VPS37A: variants seen among roughly 807,000 people sequenced by gnomAD.
VPS37A encodes vacuolar protein sorting-associated protein 37A.
A neutral mutation model predicts 49.8 loss-of-function variants in VPS37A; 30 were observed. That is an observed-to-expected ratio of 0.60 (90% CI 0.45 to 0.82). VPS37A has a LOEUF of 0.82. Ranked by LOEUF, VPS37A falls within the 40% of genes least tolerant of loss-of-function variation. The pLI, the probability that VPS37A is intolerant of heterozygous loss-of-function variation, is 0.00. For missense variants in VPS37A, 593 were observed against 464.4 expected, an observed-to-expected ratio of 1.28 and a Z score of -2.55; for synonymous variants, 195 against 160.6, an observed-to-expected ratio of 1.21 and a Z score of -1.62.
At chr8:17,292,351 C>A (rs1295422974) in intron 11 of VPS37A, among the ~76,000 whole-genome samples, 1 of 152,176 alleles carries the variant, frequency 6.6e-6, no homozygotes, top group Non-Finnish European at 1.5e-5. Flanking sequence ...TATTTTAAGC[C>A]TGTGTGTGTC....
the VPS37A span, among the ~76,000 whole-genome samples, chr8:17,326,908 C>A: frequency 6.6e-6 from 1 of 152,126 alleles, no homozygotes; most frequent in Non-Finnish European, 1.5e-5. Context: ...AAGGAATATA[C>A]CGACCATAGC....
At chr8:17,300,402 C>G, downstream of VPS37A, 2 of 632,710 alleles carry the variant, frequency 3.2e-6, no homozygotes, top group Non-Finnish European at 5.4e-6. Context: ...GTGAGGCCTG[C>G]TTTATCTCTA....
chr8:17,249,078 A>G (rs149224110), intron 1 of VPS37A, among the ~76,000 whole-genome samples: 118 of 152,334 alleles, frequency 7.7e-4, no homozygotes, highest in African/African-American at 2.8e-3. Flanking sequence ...CACTTTTGGA[A>G]TTAATTGCTT....
At chr8:17,315,906 G>C in the VPS37A span, among the ~76,000 whole-genome samples, 1 of 152,130 alleles carries the variant, frequency 6.6e-6, no homozygotes, top group East Asian at 1.9e-4. Context: ...CCAGCTACTT[G>C]GGAGGCTGAG....
chr8:17,315,989 G>C, the VPS37A span, among the ~76,000 whole-genome samples: 14 of 152,204 alleles, frequency 9.2e-5, no homozygotes, highest in Admixed American at 2.0e-4. Context: ...CTCCATCCTG[G>C]GTGATGACAG....
At chr8:17,302,335 C>A, downstream of VPS37A, 1 of 1,559,324 alleles carries the variant, frequency 6.4e-7, no homozygotes, top group Non-Finnish European at 8.7e-7. Context: ...TGAAAATTCA[C>A]ATCCTCAAGT....
At position 17,296,150 on chromosome 8, in the gene VPS37A, A is replaced by ATATTT. The variant is rs1267426830; in HGVS notation, c.*1166_*1170dup. ...ATAGTATAGATTGTCTGTCTTTTTT[A>ATATTT]TATTTTTTAGTTCTTCCTGTACATG... On this transcript the variant is annotated 3_prime_UTR_variant, in exon 12 of 12. Transcript: ENST00000324849. 1 of 152,148 alleles carries ATATTT rather than the reference A, an allele frequency of 6.6e-6. No homozygotes were observed. Among genetic ancestry groups the ATATTT allele is most frequent in the Non-Finnish European group, 1.5e-5 (1 of 68,014 alleles). The allele number at this position is 152,148 out of a possible 1,614,324, so 9.4% of individuals were successfully genotyped here. A position where few individuals can be genotyped will look rare whatever the true frequency, so the allele number is the denominator to read the frequency against.
At chr8:17,311,903 T>C in the VPS37A span, 1 of 408,344 alleles carries the variant, frequency 2.4e-6, no homozygotes, top group South Asian at 3.5e-5. Context: ...ACATAAGCAT[T>C]CGTCCTATGC....
At chr8:17,319,218 T>G in the VPS37A span, among the ~76,000 whole-genome samples, 1 of 152,334 alleles carries the variant, frequency 6.6e-6, no homozygotes, top group Middle Eastern at 3.4e-3. Flanking sequence ...TAACCTGGGC[T>G]AGTTACTGAG....
intron 1 of VPS37A, among the ~76,000 whole-genome samples, chr8:17,261,850 T>C (rs1812990630): frequency 6.6e-6 from 1 of 152,162 alleles, no homozygotes; most frequent in African/African-American, 2.4e-5. Flanking sequence ...CACTCTGATT[T>C]GGTGTTTTCT....
At chr8:17,256,630 TTTTATTTA>T (rs141925092) in intron 1 of VPS37A, among the ~76,000 whole-genome samples, 85 of 145,416 alleles carry the variant, frequency 5.8e-4, no homozygotes, top group African/African-American at 1.4e-3. Flanking sequence ...GCTGTGTAGG[TTTTATTTA>T]TTTATTTATT....
downstream of VPS37A, among the ~76,000 whole-genome samples, chr8:17,306,754 T>C (rs191921088): frequency 2.6e-5 from 4 of 152,264 alleles, no homozygotes; most frequent in East Asian, 1.9e-4. Context: ...AGTGGGAACA[T>C]TGGAAATTGT....
At chr8:17,279,518 A>G (rs575557175) in intron 6 of VPS37A, among the ~76,000 whole-genome samples, 1 of 152,134 alleles carries the variant, frequency 6.6e-6, no homozygotes, top group Non-Finnish European at 1.5e-5. Flanking sequence ...TAAATTTTAC[A>G]TATCAGTAAG....
chr8:17,265,645 G>A (rs575703604), intron 1 of VPS37A: 35 of 704,604 alleles, frequency 5.0e-5, no homozygotes, highest in Non-Finnish European at 6.8e-5. Context: ...AAACAGTGTA[G>A]CATTAATGAA....
chr8:17,247,738 T>C, intron 1 of VPS37A: 1 of 702,646 alleles, frequency 1.4e-6, no homozygotes, highest in Non-Finnish European at 2.6e-6. Context: ...GCAGAATTGT[T>C]AAAATACAAT....
chr8:17,302,359 T>TATG, downstream of VPS37A: 1 of 1,433,698 alleles, frequency 7.0e-7, no homozygotes, highest in Non-Finnish European at 9.4e-7. Context: ...CTAAGGTATC[T>TATG]ATGATACCAC....
downstream of VPS37A, chr8:17,299,413 T>C (rs896124653): frequency 5.6e-5 from 9 of 159,322 alleles, no homozygotes; most frequent in African/African-American, 2.2e-4. Context: ...GAAATATGTA[T>C]AAGAGGGTCG....
chr8:17,284,453 T>A lies in VPS37A; in HGVS notation c.970-20T>A. ...TTGTGAGTATCATAAATTAAAGTAGTGCCTGATTTTCTTTTTCAGAGCTGT... is the reference window on the plus strand; with the variant it reads ...TTGTGAGTATCATAAATTAAAGTAGAGCCTGATTTTCTTTTTCAGAGCTGT... On this transcript the variant is annotated intron_variant, in intron 9 of 11. Transcript: ENST00000324849. 1 of 1,553,360 alleles carries A rather than the reference T, an allele frequency of 6.4e-7. No individual in the cohort carries two copies. Among genetic ancestry groups the A allele is most frequent in the Non-Finnish European group, 8.6e-7 (1 of 1,160,480 alleles).
intron 11 of VPS37A, 90 bp downstream of exon 11, chr8:17,286,517 T>G: frequency 9.2e-7 from 1 of 1,084,842 alleles, no homozygotes. Context: ...TCATCAGCCT[T>G]AAGCATAATT....
Sources: allele counts gnomAD v4.1 joint callset (sites outside exome capture counted in the v4.1 genomes callset), GRCh38; gene constraint gnomAD v4.1.1; transcripts MANE v1.5; gene names NCBI Gene and HGNC (gene_info 2026-07-23, HGNC 2026-07-21).